The following ARIH1 variants were observed in gnomAD, a reference collection of about 807,000 sequenced individuals.
The protein encoded by ARIH1 is ariadne RBR E3 ubiquitin protein ligase 1.
Under a neutral mutation model 85.0 loss-of-function variants are expected in ARIH1, and 8 were observed. The ratio of observed to expected loss-of-function variants is 0.09; its 90% CI spans 0.06 to 0.17. ARIH1 has a LOEUF of 0.17. ARIH1 is among the 10% of genes least tolerant of loss of function. The pLI is 1.00. For missense variants in ARIH1, 311 were observed against 718.1 expected, an observed-to-expected ratio of 0.43 and a Z score of 6.48; for synonymous variants, 238 against 253.6, an observed-to-expected ratio of 0.94 and a Z score of 0.59.
At chr15:72,524,382 G>A (rs1352320477) in intron 2 of ARIH1, among the ~76,000 whole-genome samples, 1 of 150,472 alleles carries the variant, frequency 6.6e-6, no homozygotes, top group African/African-American at 2.5e-5. Context: ...CCTAGCTAAT[G>A]TTTGTATTTT....
intron 11 of ARIH1, among the ~76,000 whole-genome samples, chr15:72,578,404 G>A (rs1042487683): frequency 2.0e-5 from 3 of 152,132 alleles, no homozygotes; most frequent in African/African-American, 4.8e-5. Flanking sequence ...CCAGAGTACC[G>A]TGTGCATCTT....
rs947924090 is a variant in ARIH1 at position 72,596,843 on chromosome 15, C to T, written c.*13551C>T. On this transcript the variant is annotated 3_prime_UTR_variant, in exon 14 of 14. Transcript: ENST00000379887. ...GCATTTCATTATATTTGTATAGTTA[C>T]AATTTTCTGCTGAAATTTCCTATTT... is the stretch of plus-strand genomic sequence containing the variant. The T allele has an allele frequency of 3.3e-5, 5 of 151,964 alleles. No individual in the cohort carries two copies. Among genetic ancestry groups the T allele is most frequent in the South Asian group, 2.1e-4 (1 of 4,810 alleles). The allele number at this position is 151,964 out of a possible 1,614,324, so 9.4% of individuals were successfully genotyped here. A position where few individuals can be genotyped will look rare whatever the true frequency, so the allele number is the denominator to read the frequency against.
chr15:72,515,687 G>A (rs185073533), intron 1 of ARIH1, among the ~76,000 whole-genome samples: 2 of 152,142 alleles, frequency 1.3e-5, no homozygotes, highest in East Asian at 3.8e-4. Context: ...TTGCCATGTT[G>A]TTTGCATTTG....
rs2064318619 is a variant in ARIH1, at chr15:72,586,729, T to A, written c.*3437T>A. 6.5e-6 allele frequency: 1 copy of A among 154,022 alleles called. No individual in the cohort carries two copies. Among genetic ancestry groups the A allele is most frequent in the African/African-American group, 2.4e-5 (1 of 41,452 alleles). The allele number at this position is 154,022 out of a possible 1,614,324, so 9.5% of individuals were successfully genotyped here. On this transcript the variant is annotated 3_prime_UTR_variant, in exon 14 of 14. Coordinates refer to ENST00000379887, the MANE Select transcript of ARIH1 (RefSeq NM_005744.5). ...CCATTCCCCCAACATTTAACTTGGT[T>A]AATGAAGCTTTCAGAGCATTTTCTG... is the stretch of plus-strand genomic sequence containing the variant.
Position 72,584,424 on chromosome 15 carries a change from T to C in ARIH1, c.*1132T>C, listed in dbSNP as rs968476512. On this transcript the variant is annotated 3_prime_UTR_variant, in exon 14 of 14. Transcript: ENST00000379887. ...CCAGTGGAAGCATTTTAAAATTTCT[T>C]TTACTTTTTGGTTTTCCCTTAATTG... 6.6e-6 allele frequency: 1 copy of C among 152,230 alleles called. No individual in the cohort carries two copies. The highest frequency in any genetic ancestry group is 2.4e-5 in the African/African-American group (1 of 41,452). The allele number at this position is 152,230 out of a possible 1,614,324, so 9.4% of individuals were successfully genotyped here. A position where few individuals can be genotyped will look rare whatever the true frequency, so the allele number is the denominator to read the frequency against.
In ARIH1 at chr15:72,598,849, C is replaced by T. The variant is rs2064372343; in HGVS notation, c.*15557C>T. ...CCTCTTGCCTCAGCCTCTTGAGTAG[C>T]TGGGACCACAGTCATGTGCCACCAT... On this transcript the variant is annotated 3_prime_UTR_variant, in exon 14 of 14. Coordinates refer to ENST00000379887, the MANE Select transcript of ARIH1 (RefSeq NM_005744.5). 1 of 150,402 alleles carries T rather than the reference C, an allele frequency of 6.6e-6. No individual in the cohort carries two copies. Among genetic ancestry groups the T allele is most frequent in the Non-Finnish European group, 1.5e-5 (1 of 67,904 alleles). 9.3% of individuals were successfully genotyped at this position (150,402 alleles called of 1,614,324 possible). A position where few individuals can be genotyped will look rare whatever the true frequency, so the allele number is the denominator to read the frequency against.
chr15:72,490,943 C>G (rs1171260046), intron 1 of ARIH1, among the ~76,000 whole-genome samples: 7 of 151,994 alleles, frequency 4.6e-5, no homozygotes, highest in Non-Finnish European at 1.0e-4. Flanking sequence ...TGGTGAAACC[C>G]CGTGTCTACT....
intron 10 of ARIH1, among the ~76,000 whole-genome samples, chr15:72,571,342 G>A (rs2064245649): frequency 6.6e-6 from 1 of 152,022 alleles, no homozygotes; most frequent in Admixed American, 6.6e-5. Flanking sequence ...TTCATAAAAT[G>A]TTTAAGGGAT....
chr15:72,501,886 A>G (rs1273427568), intron 1 of ARIH1, among the ~76,000 whole-genome samples: 2 of 152,134 alleles, frequency 1.3e-5, no homozygotes, highest in African/African-American at 2.4e-5. Flanking sequence ...CTTTTTATCA[A>G]TAGGGCTTTT....
intron 1 of ARIH1, among the ~76,000 whole-genome samples, chr15:72,503,835 C>G (rs1169031768): frequency 6.6e-6 from 1 of 152,198 alleles, no homozygotes; most frequent in Non-Finnish European, 1.5e-5. Context: ...TGGCTGGCTG[C>G]TTTGGGTGCT....
chr15:72,501,989 A>G (rs940696814), intron 1 of ARIH1, among the ~76,000 whole-genome samples: 3 of 152,244 alleles, frequency 2.0e-5, no homozygotes, highest in Non-Finnish European at 4.4e-5. Context: ...TTTAAAAACT[A>G]GGGTGTTATA....
chr15:72,511,958 G>A (rs2063952693), intron 1 of ARIH1, among the ~76,000 whole-genome samples: 1 of 152,106 alleles, frequency 6.6e-6, no homozygotes, highest in African/African-American at 2.4e-5. Flanking sequence ...GGCTTTTAGT[G>A]TGGTAATTAA....
chr15:72,580,886 C>T lies in ARIH1; in HGVS notation c.1371C>T (p.Phe457=), dbSNP rs1027902335. 3.1e-6 allele frequency: 5 copies of T among 1,613,956 alleles called. No homozygotes were observed. Among genetic ancestry groups the T allele is most frequent in the Admixed American group, 1.7e-5 (1 of 59,988 alleles). The change falls in exon 12 of 14, where the codon TTC becomes TTT. Residue 457 remains phenylalanine, a synonymous_variant. Transcript: ENST00000379887. Reference sequence around the variant, plus strand: ...ACATGTCCTGGATTGAGGTGCAGTTCCTGAAGAAGGCAGTTGATGTCCTCT... The same window carrying T: ...ACATGTCCTGGATTGAGGTGCAGTTTCTGAAGAAGGCAGTTGATGTCCTCT... ...QHNMSWIEVQ[F]LKKAVDVLCQ...
intron 1 of ARIH1, among the ~76,000 whole-genome samples, chr15:72,486,795 G>A (rs1358516591): frequency 2.1e-5 from 3 of 139,878 alleles, no homozygotes; most frequent in Non-Finnish European, 4.6e-5. Flanking sequence ...CTGGGTTCAA[G>A]TGATTATCGT....
intron 5 of ARIH1, among the ~76,000 whole-genome samples, chr15:72,557,294 TTTTC>T (rs1469478484): frequency 6.6e-6 from 1 of 152,068 alleles, no homozygotes; most frequent in Non-Finnish European, 1.5e-5. Flanking sequence ...ACTTTGCCCT[TTTTC>T]TTTCTTTTTT....
intron 7 of ARIH1, among the ~76,000 whole-genome samples, chr15:72,565,276 GACAGCATTTC>G (rs1489868460): frequency 2.0e-5 from 3 of 151,856 alleles, no homozygotes; most frequent in Non-Finnish European, 4.4e-5. Context: ...TTTTAATAGA[GACAGCATTTC>G]ACCTTGTTGG....
At chr15:72,479,552 G>GCAGCCGCTACCATGCCTGGC (rs2063807100) in intron 1 of ARIH1, among the ~76,000 whole-genome samples, 1 of 151,952 alleles carries the variant, frequency 6.6e-6, no homozygotes. Context: ...GGGACTACAG[G>GCAGCCGCTACCATGCCTGGC]TGCGCGCCAC....
chr15:72,554,385 A>G (rs1410193409), intron 3 of ARIH1, among the ~76,000 whole-genome samples: 2 of 152,114 alleles, frequency 1.3e-5, no homozygotes, highest in Admixed American at 1.3e-4. Flanking sequence ...ACTTGTTATT[A>G]ATATTGGCTT....
chr15:72,482,465 G>A (rs2063820191), intron 1 of ARIH1, among the ~76,000 whole-genome samples: 1 of 152,178 alleles, frequency 6.6e-6, no homozygotes, highest in Admixed American at 6.5e-5. Flanking sequence ...ATAAAAAAGA[G>A]GAAGTCATTC....
Sources: gnomAD v4.1 joint callset for allele counts (sites outside exome capture counted in the v4.1 genomes callset) on GRCh38, gnomAD v4.1.1 for gene constraint, MANE v1.5 for transcripts, NCBI Gene and HGNC (gene_info 2026-07-23, HGNC 2026-07-21) for gene names.